The following INO80 variants were observed in gnomAD, a reference collection of about 807,000 sequenced individuals.
INO80 encodes the protein INO80 complex ATPase subunit, also known as chromatin-remodeling ATPase INO80.
In INO80, 20 loss-of-function variants were observed where a neutral mutation model predicts 203.4. That is an observed-to-expected ratio of 0.10 (90% CI 0.07 to 0.14). The LOEUF (loss-of-function observed/expected upper bound fraction) is 0.14, where lower values mean the gene tolerates loss of function less well. Ranked by LOEUF, INO80 falls within the 10% of genes least tolerant of loss-of-function variation. The probability of loss-of-function intolerance (pLI) is 1.00; values close to 1 mark genes in which losing one functional copy is unlikely to be tolerated. For synonymous variants in INO80, 726 were observed against 685.2 expected (o/e 1.06, Z -0.93); for missense variants, 1,419 against 1,914.4 (o/e 0.74, Z 4.83).
At chr15:41,025,442 C>G (rs1480420631) in intron 25 of INO80, among the ~76,000 whole-genome samples, 1 of 151,966 alleles carries the variant, frequency 6.6e-6, no homozygotes, top group Non-Finnish European at 1.5e-5. Flanking sequence ...AGGCTGGGCA[C>G]AGTGGCTCAG....
intron 14 of INO80, among the ~76,000 whole-genome samples, chr15:41,066,060 C>T (rs1003707549): frequency 6.7e-6 from 1 of 150,058 alleles, no homozygotes; most frequent in Admixed American, 6.7e-5. Flanking sequence ...CTCACCACAA[C>T]CTCTGCCTCC....
chr15:41,036,200 A>T (rs2044573728), intron 24 of INO80, among the ~76,000 whole-genome samples: 1 of 149,610 alleles, frequency 6.7e-6, no homozygotes, highest in South Asian at 2.1e-4. Flanking sequence ...AAAAAACCAC[A>T]TAGCTAAGCT....
At chr15:41,112,898 G>A (rs746915868) in intron 1 of INO80, among the ~76,000 whole-genome samples, 5 of 150,936 alleles carry the variant, frequency 3.3e-5, no homozygotes, top group African/African-American at 7.3e-5. Flanking sequence ...GCATCCTAGC[G>A]TTTATATTTC....
intron 6 of INO80, among the ~76,000 whole-genome samples, chr15:41,085,802 T>C (rs530018226): frequency 6.6e-6 from 1 of 152,300 alleles, no homozygotes; most frequent in Admixed American, 6.5e-5. Context: ...AAAAGAACAC[T>C]GGATACTCAC....
chr15:41,050,008 G>A lies in INO80; in HGVS notation c.2369C>T (p.Ser790Phe). Residue 790 changes from serine (S) to phenylalanine (F), a missense_variant, in exon 20 of 36, where the codon TCT (serine) becomes TTT (phenylalanine). Ser to Phe is a radical substitution (Grantham distance 155). Coordinates refer to ENST00000648947, the MANE Select transcript of INO80 (RefSeq NM_017553.3). Reference sequence around the variant, plus strand: ...TGCTTGTTGGGTAGAGCCCATAGAAGACTGCAATAAATCCTCAATGGAAAT... The same window carrying A: ...TGCTTGTTGGGTAGAGCCCATAGAAAACTGCAATAAATCCTCAATGGAAAT... ...NKISIEDLLQ[S>F]SMGSTQQAQN... 1.9e-6 allele frequency: 3 copies of A among 1,614,128 alleles called. No homozygotes were observed. The highest frequency in any genetic ancestry group is 2.5e-6 in the Non-Finnish European group (3 of 1,179,992).
intron 19 of INO80, among the ~76,000 whole-genome samples, chr15:41,050,501 T>C (rs1329290605): frequency 6.6e-6 from 1 of 152,230 alleles, no homozygotes; most frequent in African/African-American, 2.4e-5. Context: ...CACAATTTAC[T>C]AAATTGGTTA....
chr15:41,047,479 G>A lies in INO80; in HGVS notation c.2664C>T (p.Phe888=), dbSNP rs748468951. The change falls in exon 23 of 36, where the codon TTC becomes TTT. Residue 888 remains phenylalanine, a synonymous_variant. Transcript: ENST00000648947. ...ATATATCAATAAAGCGAAGGAAAGA[G>A]AAACAGCTTTCTTCATTAATACCTG... The part of the protein sequence containing the change: ...HRKGINEESC[F]SFLRFIDISP... 1 of 1,610,862 alleles carries A rather than the reference G, an allele frequency of 6.2e-7. No homozygotes were observed. Among genetic ancestry groups the A allele is most frequent in the East Asian group, 2.2e-5 (1 of 44,836 alleles).
At chr15:41,051,881 CCGGCAGGCGGAG>C (rs2044879312) in intron 19 of INO80, among the ~76,000 whole-genome samples, 1 of 152,120 alleles carries the variant, frequency 6.6e-6, no homozygotes, top group African/African-American at 2.4e-5. Flanking sequence ...TCGCTTGAAT[CCGGCAGGCGGAG>C]GTTGCAGTGA....
intron 9 of INO80, among the ~76,000 whole-genome samples, chr15:41,075,612 G>A (rs547930089): frequency 7.9e-5 from 12 of 152,148 alleles, no homozygotes; most frequent in African/African-American, 2.9e-4. Context: ...CTGCCAACAT[G>A]CCCGGCTAAT....
intron 25 of INO80, chr15:41,023,100 CAAA>C (rs5812181): frequency 0.02 from 5,739 of 292,932 alleles, no homozygotes; most frequent in East Asian, 0.03. Context: ...CAGACTGTCT[CAAA>C]AAAAAAAAAA....
chr15:41,029,435 T>A (rs1404297229), intron 24 of INO80, among the ~76,000 whole-genome samples: 1 of 152,226 alleles, frequency 6.6e-6, no homozygotes, highest in Non-Finnish European at 1.5e-5. Context: ...CATCAACAAT[T>A]TGAAGACTAT....
At chr15:41,012,589 C>T (rs969602090) in intron 27 of INO80, among the ~76,000 whole-genome samples, 28 of 95,156 alleles carry the variant, frequency 2.9e-4, no homozygotes, top group African/African-American at 9.5e-4. Context: ...ATCCTATAGG[C>T]GATTCAGTAA....
chr15:41,023,254 G>T (rs547728839), intron 25 of INO80: 1 of 455,766 alleles, frequency 2.2e-6, no homozygotes, highest in Non-Finnish European at 4.4e-6. Context: ...GATGAAAATT[G>T]GGTCTCTCTC....
Position 41,030,162 on chromosome 15 carries a change from A to T in INO80, c.2908-2426T>A, listed in dbSNP as rs191932007. Among the ~76,000 whole-genome samples the T allele has an allele frequency of 2.0e-3, 299 of 152,354 alleles. 1 individual carries two copies. The highest frequency in any genetic ancestry group is 6.6e-3 in the African/African-American group (275 of 41,596). ...ACCTGTTTCTTACTTTGTTCCAATA[A>T]TATAAAGGTAGAAAATAAAAGAATG... On this transcript the variant is annotated intron_variant, in intron 24 of 35. Coordinates refer to ENST00000648947, the MANE Select transcript of INO80 (RefSeq NM_017553.3).
At chr15:40,991,612 A>T (rs543416045) in intron 29 of INO80, among the ~76,000 whole-genome samples, 1 of 152,182 alleles carries the variant, frequency 6.6e-6, no homozygotes, top group East Asian at 1.9e-4. Context: ...GCAGTGACTA[A>T]GGAGAAATAG....
intron 35 of INO80, 109 bp from the exon 36 acceptor site, chr15:40,980,549 A>T: frequency 1.3e-6 from 1 of 749,040 alleles, no homozygotes; most frequent in Non-Finnish European, 2.3e-6. Flanking sequence ...GTGGTGGGCA[A>T]TTCCTCCCTG....
In INO80 at chr15:41,074,020, TTAAA is replaced by T. The variant is rs532562969; in HGVS notation, c.1327+346_1327+349del. On this transcript the variant is annotated intron_variant, in intron 10 of 35. Transcript: ENST00000648947. ...CAACTGAACAGCTGCTTTCTTGTGC[TTAAA>T]TAAACAAGAATCGTATTATGTGAGA... is the stretch of plus-strand genomic sequence containing the variant. Among the ~76,000 whole-genome samples the T allele has an allele frequency of 2.0e-4, 30 of 152,268 alleles. No homozygotes were observed. In the South Asian group the frequency reaches 3.7e-3, roughly 19 times the overall value.
intron 1 of INO80, among the ~76,000 whole-genome samples, chr15:41,103,009 C>G (rs918359499): frequency 3.3e-5 from 5 of 152,174 alleles, no homozygotes; most frequent in African/African-American, 1.2e-4. Context: ...ATACAATCCA[C>G]ATTTCTAGAT....
chr15:41,049,559 C>G, intron 20 of INO80, 139 bp from the exon 21 acceptor site: 9 of 814,626 alleles, frequency 1.1e-5, no homozygotes, highest in African/African-American at 1.7e-5. Flanking sequence ...CTTTGCTTAT[C>G]TGGCATCAAG....
Sources: allele counts gnomAD v4.1 joint callset (sites outside exome capture counted in the v4.1 genomes callset), GRCh38; gene constraint gnomAD v4.1.1; transcripts MANE v1.5; gene names NCBI Gene and HGNC (gene_info 2026-07-23, HGNC 2026-07-21).